Variants in PRKN observed in about 807,000 individuals in gnomAD.
The protein encoded by PRKN is parkin RBR E3 ubiquitin protein ligase.
Under a neutral mutation model 59.5 loss-of-function variants are expected in PRKN, and 56 were observed. The observed-to-expected ratio is 0.94, with a 90% confidence interval of 0.76 to 1.18. PRKN has a LOEUF of 1.18. Ranked by LOEUF, PRKN falls within the 50% of genes most tolerant of loss-of-function variation. PRKN has a pLI of 0.00. For missense variants in PRKN, 657 were observed against 596.4 expected, an observed-to-expected ratio of 1.10 and a Z score of -1.06; for synonymous variants, 250 against 222.1, an observed-to-expected ratio of 1.13 and a Z score of -1.12.
In PRKN at chr6:161,530,361, T is replaced by C. The variant is rs1325965699; in HGVS notation, c.1083+18493A>G. On this transcript the variant is annotated intron_variant, in intron 9 of 11. Transcript: ENST00000366898. The surrounding 1 kb of genome is among the most constrained non-coding windows in gnomAD (Gnocchi z 5.0). Reference sequence around the variant, plus strand: ...ATGCACCTTCTCCTGTGACATTGCATATCATCTTCCATATCAGGTACCCTG... The same window carrying C: ...ATGCACCTTCTCCTGTGACATTGCACATCATCTTCCATATCAGGTACCCTG... 6.6e-6 allele frequency among the ~76,000 whole-genome samples: 1 copy of C among 152,210 alleles called. No homozygotes were observed. The highest frequency in any genetic ancestry group is 2.4e-5 in the African/African-American group (1 of 41,460).
intron 1 of PRKN, among the ~76,000 whole-genome samples, chr6:162,612,695 T>A (rs180863024): frequency 6.6e-6 from 1 of 151,316 alleles, no homozygotes; most frequent in South Asian, 2.1e-4. Flanking sequence ...TCTTCCAGGA[T>A]GATGATGAAA....
rs548642522 is a variant in PRKN, at chr6:161,566,953, T to G, written c.933+2402A>C. 8.5e-5 allele frequency among the ~76,000 whole-genome samples: 13 copies of G among 152,080 alleles called. No homozygotes were observed. In the South Asian group the frequency reaches 2.7e-3, roughly 32 times the overall value. ...TTTCAGTCTTTATTCACCTGTCACC[T>G]GCTCAGTGAAACTTTCCCTGACCAC... On this transcript the variant is annotated intron_variant, in intron 8 of 11. Transcript: ENST00000366898. The surrounding 1 kb of genome is among the most constrained non-coding windows in gnomAD (Gnocchi z 4.1).
At chr6:161,477,670 A>T (rs1489259965) in intron 9 of PRKN, among the ~76,000 whole-genome samples, 1 of 152,206 alleles carries the variant, frequency 6.6e-6, no homozygotes, top group Admixed American at 6.5e-5. Context: ...TGTTTTCAGA[A>T]TACTTTTTAG....
chr6:161,427,314 C>T (rs1788416028), intron 9 of PRKN, among the ~76,000 whole-genome samples: 1 of 152,136 alleles, frequency 6.6e-6, no homozygotes, highest in East Asian at 1.9e-4. Context: ...TAAACTAGTG[C>T]TTTATGCGAA....
At chr6:162,520,471 C>T (rs1051774533) in intron 1 of PRKN, among the ~76,000 whole-genome samples, 5 of 152,192 alleles carry the variant, frequency 3.3e-5, no homozygotes, top group Admixed American at 2.0e-4. Context: ...CCAGTTCCCT[C>T]TTGCCCAAGT....
At chr6:162,524,451 A>G (rs1419998420) in intron 1 of PRKN, among the ~76,000 whole-genome samples, 1 of 152,216 alleles carries the variant, frequency 6.6e-6, no homozygotes, top group Non-Finnish European at 1.5e-5. Flanking sequence ...AAATTGTTCA[A>G]GGACTAAGAG....
In PRKN at chr6:162,056,445, C is replaced by T. The variant is rs1446560416; in HGVS notation, c.535-2271G>A. Among the ~76,000 whole-genome samples, 6 of 152,158 alleles carry T rather than the reference C, an allele frequency of 3.9e-5. No individual in the cohort carries two copies. The highest frequency in any genetic ancestry group is 1.3e-4 in the Admixed American group (2 of 15,272). Reference sequence around the variant, plus strand: ...GCAGAGCAGTTCTCCAGGCCTGAGCCGTACCTGAAAGAGACTGAGCCTTTT... The same window carrying T: ...GCAGAGCAGTTCTCCAGGCCTGAGCTGTACCTGAAAGAGACTGAGCCTTTT... On this transcript the variant is annotated intron_variant, in intron 4 of 11. Coordinates refer to ENST00000366898, the MANE Select transcript of PRKN (RefSeq NM_004562.3). The surrounding 1 kb of genome is among the most constrained non-coding windows in gnomAD (Gnocchi z 4.9).
intron 5 of PRKN, among the ~76,000 whole-genome samples, chr6:161,975,085 CTTTTTTTTTTTT>C (rs769121865): frequency 8.0e-6 from 1 of 124,470 alleles, no homozygotes; most frequent in African/African-American, 3.1e-5. Context: ...ACATATACTT[CTTTTTTTTTTTT>C]TTTTTTTTTT....
At chr6:162,165,908 T>G (rs564181037) in intron 4 of PRKN, among the ~76,000 whole-genome samples, 5 of 151,430 alleles carry the variant, frequency 3.3e-5, no homozygotes, top group Non-Finnish European at 7.4e-5. Context: ...ATTAGCCGGG[T>G]GTGGTGGTGG....
intron 7 of PRKN, among the ~76,000 whole-genome samples, chr6:161,676,238 A>G (rs572208981): frequency 1.3e-5 from 2 of 152,212 alleles, no homozygotes; most frequent in Non-Finnish European, 2.9e-5. Flanking sequence ...CTATCTAACA[A>G]TGTCTCTCCA....
intron 5 of PRKN, among the ~76,000 whole-genome samples, chr6:162,040,041 G>A (rs947930984): frequency 6.6e-6 from 1 of 152,160 alleles, no homozygotes; most frequent in South Asian, 2.1e-4. Context: ...CTTGACAACA[G>A]CTGAGGAGGT....
At chr6:161,947,118 A>C (rs1779811858) in intron 6 of PRKN, among the ~76,000 whole-genome samples, 1 of 152,078 alleles carries the variant, frequency 6.6e-6, no homozygotes, top group South Asian at 2.1e-4. Context: ...GTATGTATAA[A>C]TGTTTATACG....
intron 6 of PRKN, among the ~76,000 whole-genome samples, chr6:161,817,312 C>A (rs1310376081): frequency 1.3e-5 from 2 of 152,218 alleles, no homozygotes; most frequent in African/African-American, 4.8e-5. Context: ...AGCCTCACTG[C>A]AGAGCTAAGA....
intron 6 of PRKN, among the ~76,000 whole-genome samples, chr6:161,895,494 G>GCACGCCCACCCC (rs1408123408): frequency 7.0e-6 from 1 of 143,224 alleles, no homozygotes; most frequent in African/African-American, 2.9e-5. Flanking sequence ...AGATTCAGGA[G>GCACGCCCACCCC]TACGCCCACC....
intron 2 of PRKN, among the ~76,000 whole-genome samples, chr6:162,414,187 A>G (rs971461861): frequency 1.3e-5 from 2 of 152,152 alleles, no homozygotes; most frequent in African/African-American, 4.8e-5. Flanking sequence ...TGTCTCAACA[A>G]TAACAACAAA....
intron 9 of PRKN, among the ~76,000 whole-genome samples, chr6:161,392,401 A>G (rs2114958528): frequency 6.6e-6 from 1 of 152,092 alleles, no homozygotes; most frequent in South Asian, 2.1e-4. Flanking sequence ...AAAGAAAAAG[A>G]AAAAATTTAA....
intron 1 of PRKN, among the ~76,000 whole-genome samples, chr6:162,677,112 A>T (rs976446576): frequency 6.6e-6 from 1 of 151,738 alleles, no homozygotes; most frequent in African/African-American, 2.4e-5. Context: ...ATGTGGTAGG[A>T]AATGCTGGAA....
At chr6:162,164,512 T>C (rs1460665667) in intron 4 of PRKN, among the ~76,000 whole-genome samples, 1 of 149,074 alleles carries the variant, frequency 6.7e-6, no homozygotes. Context: ...ATGCCTGGCC[T>C]AATCTGTGGA....
At chr6:161,601,815 C>T (rs1782117343) in intron 7 of PRKN, among the ~76,000 whole-genome samples, 1 of 152,144 alleles carries the variant, frequency 6.6e-6, no homozygotes, top group South Asian at 2.1e-4. Flanking sequence ...ATCTCCTGAC[C>T]TCGTGATCCG....
Sources: gnomAD v4.1 joint callset for allele counts (sites outside exome capture counted in the v4.1 genomes callset) on GRCh38, gnomAD v4.1.1 for gene constraint, Gnocchi (gnomAD v3.1) non-coding constraint, MANE v1.5 for transcripts, NCBI Gene and HGNC (gene_info 2026-07-23, HGNC 2026-07-21) for gene names.